The following CCDC171 variants were observed in gnomAD, a reference collection of about 807,000 sequenced individuals.
CCDC171 encodes the protein coiled-coil domain-containing protein 171.
In CCDC171, 177 loss-of-function variants were observed where a neutral mutation model predicts 168.2. The ratio of observed to expected loss-of-function variants is 1.05; its 90% confidence interval spans 0.93 to 1.19. CCDC171 has a LOEUF of 1.19. CCDC171 is among the 50% of genes most tolerant of loss of function. The pLI is 0.00. For synonymous variants in CCDC171, 687 were observed against 540.8 expected (o/e 1.27, Z -3.75); for missense variants, 1,991 against 1,539.0 (o/e 1.29, Z -4.91).
chr9:16,089,004 A>G, the CCDC171 span, among the ~76,000 whole-genome samples: 5 of 152,204 alleles, frequency 3.3e-5, no homozygotes, highest in African/African-American at 1.2e-4. Flanking sequence ...TACTGGTACC[A>G]AAACAGATAT....
chr9:16,103,810 T>G, the CCDC171 span, among the ~76,000 whole-genome samples: 3 of 152,168 alleles, frequency 2.0e-5, no homozygotes, highest in Non-Finnish European at 4.4e-5. Flanking sequence ...CCCAGTGATT[T>G]ACGGGCTTTG....
intron 23 of CCDC171, among the ~76,000 whole-genome samples, chr9:15,862,785 A>G (rs573790772): frequency 2.0e-5 from 3 of 152,184 alleles, no homozygotes; most frequent in African/African-American, 7.2e-5. Context: ...CCAGGGTTCT[A>G]GAGTATGCTA....
intron 24 of CCDC171, chr9:15,875,425 C>A (rs1198293369): frequency 6.6e-6 from 1 of 151,404 alleles, no homozygotes; most frequent in East Asian, 1.9e-4. Context: ...CTTAATCTGA[C>A]AAAATGAAAT....
At chr9:15,821,937 A>C (rs185341370) in intron 21 of CCDC171, among the ~76,000 whole-genome samples, 1 of 49,172 alleles carries the variant, frequency 2.0e-5, no homozygotes, top group Admixed American at 1.6e-4. Context: ...CAAACTATAC[A>C]ACAAGGCTAC....
At chr9:15,812,308 T>C (rs780240248) in intron 21 of CCDC171, among the ~76,000 whole-genome samples, 4 of 152,182 alleles carry the variant, frequency 2.6e-5, no homozygotes, top group Non-Finnish European at 5.9e-5. Context: ...TGCACACTCA[T>C]ATACATACAC....
chr9:15,933,109 C>T (rs1826721448), intron 25 of CCDC171, among the ~76,000 whole-genome samples: 1 of 151,862 alleles, frequency 6.6e-6, no homozygotes, highest in African/African-American at 2.4e-5. Flanking sequence ...ACCTCATAAA[C>T]TGAATTTAAA....
At chr9:15,582,667 C>T (rs1007114038) in intron 4 of CCDC171, among the ~76,000 whole-genome samples, 1 of 151,954 alleles carries the variant, frequency 6.6e-6, no homozygotes, top group Non-Finnish European at 1.5e-5. Context: ...TCATTCTCCA[C>T]AAACTAACAC....
chr9:15,819,217 T>C lies in CCDC171; in HGVS notation c.3268-27485T>C, dbSNP rs1237686816. 1.6e-4 allele frequency among the ~76,000 whole-genome samples: 19 copies of C among 117,760 alleles called. 5 individuals carry two copies. Among genetic ancestry groups the C allele is most frequent in the South Asian group, 8.4e-4 (3 of 3,570 alleles). 77.3% of individuals were successfully genotyped at this position (117,760 alleles called of 152,430 possible). A position where few individuals can be genotyped will look rare whatever the true frequency, so the allele number is the denominator to read the frequency against. On this transcript the variant is annotated intron_variant, in intron 21 of 25. Transcript: ENST00000380701. ...AGCACTAAACATGGAAAGGAACAAC[T>C]GGTACTAGCCACTGCCAAAACATGC... is the stretch of plus-strand genomic sequence containing the variant.
intron 6 of CCDC171, among the ~76,000 whole-genome samples, chr9:16,033,994 C>T (rs1833414908): frequency 6.6e-6 from 1 of 152,228 alleles, no homozygotes; most frequent in East Asian, 1.9e-4. Flanking sequence ...GCGTGCTTCA[C>T]ATGTGCACAA....
In CCDC171 at chr9:15,632,909, C is replaced by G. The variant is rs142370963; in HGVS notation, c.822+9496C>G. On this transcript the variant is annotated intron_variant, in intron 7 of 25. Coordinates refer to ENST00000380701, the MANE Select transcript of CCDC171 (RefSeq NM_173550.4). ...TGATCTTTGACAAACCTGAGAAAAA[C>G]AAGCAACGCGGAAAGGATTCCCTGT... Among the ~76,000 whole-genome samples, 1,471 of 152,244 alleles carry G rather than the reference C, an allele frequency of 9.7e-3. 27 individuals are homozygous for G. Among genetic ancestry groups the G allele is most frequent in the African/African-American group, 0.034 (1,405 of 41,546 alleles).
At chr9:15,647,125 G>A (rs9776085) in intron 7 of CCDC171, among the ~76,000 whole-genome samples, 140,625 of 152,224 alleles carry the variant, frequency 0.92, 65,136 homozygotes, top group East Asian at 1. Flanking sequence ...CTACATGGAA[G>A]CTGAACAACC....
Position 15,655,493 on chromosome 9 carries a change from A to G in CCDC171, c.823-1634A>G, listed in dbSNP as rs1030848457. On this transcript the variant is annotated intron_variant, in intron 7 of 25. Transcript: ENST00000380701. ...CATTTTCTGAACAAAAATTGTATTC[A>G]AAAATAAAGATCTTGACTTCTGCTT... Among the ~76,000 whole-genome samples, 3 of 152,306 alleles carry G rather than the reference A, an allele frequency of 2.0e-5. No homozygotes were observed. The East Asian group carries it at 5.8e-4, about 29-fold the overall frequency.
chr9:15,644,124 T>G (rs557325882), intron 7 of CCDC171, among the ~76,000 whole-genome samples: 1 of 152,372 alleles, frequency 6.6e-6, no homozygotes, highest in South Asian at 2.1e-4. Context: ...AACTCTATGT[T>G]TAATTTTTTG....
intron 24 of CCDC171, among the ~76,000 whole-genome samples, chr9:15,914,104 G>C (rs1824126059): frequency 6.6e-6 from 1 of 152,212 alleles, no homozygotes; most frequent in Non-Finnish European, 1.5e-5. Flanking sequence ...TTGTCTCCCT[G>C]TCAGGATGCA....
At chr9:15,636,242 A>G (rs2046191105) in intron 7 of CCDC171, among the ~76,000 whole-genome samples, 1 of 152,204 alleles carries the variant, frequency 6.6e-6, no homozygotes, top group South Asian at 2.1e-4. Context: ...AATGCCAAAT[A>G]TGAACTTGGC....
intron 10 of CCDC171, among the ~76,000 whole-genome samples, chr9:15,686,056 T>G (rs2050373293): frequency 6.6e-6 from 1 of 152,168 alleles, no homozygotes; most frequent in South Asian, 2.1e-4. Flanking sequence ...TGTGGAAATA[T>G]TAGCTCATAT....
At chr9:16,057,600 A>G (rs1833860692) in intron 1 of CCDC171, among the ~76,000 whole-genome samples, 1 of 152,172 alleles carries the variant, frequency 6.6e-6, no homozygotes, top group Non-Finnish European at 1.5e-5. Context: ...TTCCATGGGA[A>G]TGCCAAGTCC....
the CCDC171 span, among the ~76,000 whole-genome samples, chr9:16,100,430 A>G: frequency 6.6e-6 from 1 of 152,250 alleles, no homozygotes; most frequent in South Asian, 2.1e-4. Context: ...GTCTGGTGGA[A>G]GTTCACAGGT....
At position 15,564,019 on chromosome 9, in the gene CCDC171, A is replaced by G. The variant is rs1025433031; in HGVS notation, c.-70A>G. On this transcript the variant is annotated 5_prime_UTR_variant, in exon 2 of 26. Transcript: ENST00000380701. Reference sequence around the variant, plus strand: ...CGTGAAGCCACAGACATCTTGGGCAATTTTAATCATCAAGAAAGAAATATG... The same window carrying G: ...CGTGAAGCCACAGACATCTTGGGCAGTTTTAATCATCAAGAAAGAAATATG... The G allele has an allele frequency of 6.2e-6, 8 of 1,280,518 alleles. No homozygotes were observed. The Admixed American group carries it at 7.6e-5, about 12-fold the overall frequency. The allele number at this position is 1,280,518 out of a possible 1,614,324, so 79.3% of individuals were successfully genotyped here.
Sources: gnomAD v4.1 joint callset for allele counts (sites outside exome capture counted in the v4.1 genomes callset) on GRCh38, gnomAD v4.1.1 for gene constraint, MANE v1.5 for transcripts, NCBI Gene and HGNC (gene_info 2026-07-23, HGNC 2026-07-21) for gene names.